Variants in PIK3C2B observed in about 807,000 individuals in gnomAD.
PIK3C2B encodes the protein phosphatidylinositol-4-phosphate 3-kinase catalytic subunit type 2 beta, also known as phosphatidylinositol 4-phosphate 3-kinase C2 domain-containing subunit beta.
In PIK3C2B, 83 loss-of-function variants were observed where a neutral mutation model predicts 184.3. The observed-to-expected ratio is 0.45, with a 90% CI of 0.38 to 0.54. PIK3C2B has a LOEUF of 0.54. Among genes scored for constraint, PIK3C2B ranks in the 20% least tolerant of loss-of-function variants. The pLI, the probability that PIK3C2B is intolerant of heterozygous loss-of-function variation, is 0.00. For synonymous variants in PIK3C2B, 779 were observed against 837.6 expected (o/e 0.93, Z 1.21); for missense variants, 1,736 against 2,113.5 (o/e 0.82, Z 3.50).
At chr1:204,440,765 T>TTATATATA (rs34842826) in intron 21 of PIK3C2B, among the ~76,000 whole-genome samples, 163 of 140,052 alleles carry the variant, frequency 1.2e-3, no homozygotes, top group South Asian at 3.9e-3. Flanking sequence ...CCCAGCTAAT[T>TTATATATA]TATATATATA....
chr1:204,469,279 T>C lies in PIK3C2B; in HGVS notation c.524A>G (p.Lys175Arg), dbSNP rs1294216197. ...IWDTPPLPPR[K>R]GSPSSSKISQ... ...GATCTTGGAGGATGAGGGGGACCCC[T>C]TTCTGGGAGGCAGGGGAGGGGTATC... is the stretch of plus-strand genomic sequence containing the variant. The change falls in exon 2 of 33, where the codon AAG (lysine) becomes AGG (arginine). Residue 175 changes from lysine (K) to arginine (R), a missense_variant. By Grantham distance (26) the Lys-to-Arg change is conservative. Transcript: ENST00000684373. The C allele has an allele frequency of 9.0e-6, 14 of 1,549,016 alleles. No individual in the cohort carries two copies. Among genetic ancestry groups the C allele is most frequent in the Admixed American group, 1.9e-5 (1 of 51,632 alleles).
At chr1:204,474,838 C>T (rs759914232) in intron 1 of PIK3C2B, among the ~76,000 whole-genome samples, 1 of 152,088 alleles carries the variant, frequency 6.6e-6, no homozygotes, top group Non-Finnish European at 1.5e-5. Flanking sequence ...CTTTCCTCCC[C>T]ACAATCTGCT....
intron 1 of PIK3C2B, among the ~76,000 whole-genome samples, chr1:204,473,474 C>T (rs1375799412): frequency 1.3e-5 from 2 of 152,228 alleles, no homozygotes; most frequent in Admixed American, 6.5e-5. Flanking sequence ...TATCCAGAAC[C>T]TAGCTGCCTG....
intron 12 of PIK3C2B, among the ~76,000 whole-genome samples, chr1:204,452,656 T>G (rs1654475636): frequency 6.9e-6 from 1 of 145,372 alleles, no homozygotes; most frequent in East Asian, 2.0e-4. Context: ...ATGTCCTTTT[T>G]TTTTTTTTTT....
intron 1 of PIK3C2B, among the ~76,000 whole-genome samples, chr1:204,477,077 C>A (rs908744603): frequency 2.6e-5 from 4 of 152,216 alleles, no homozygotes; most frequent in African/African-American, 7.2e-5. Flanking sequence ...TCTCTAAGAG[C>A]AAGGGCATTC....
At chr1:204,476,360 C>T (rs1205080344) in intron 1 of PIK3C2B, among the ~76,000 whole-genome samples, 1 of 151,984 alleles carries the variant, frequency 6.6e-6, no homozygotes, top group Non-Finnish European at 1.5e-5. Flanking sequence ...TTGCTTGAGC[C>T]CAGGGTTCAA....
intron 15 of PIK3C2B, among the ~76,000 whole-genome samples, chr1:204,446,745 G>A (rs1486070603): frequency 6.6e-6 from 1 of 152,144 alleles, no homozygotes; most frequent in Admixed American, 6.5e-5. Context: ...GGGAAGGGAG[G>A]TCTGCGGTCG....
At chr1:204,468,466 C>T (rs12093802) in intron 2 of PIK3C2B, among the ~76,000 whole-genome samples, 16,897 of 152,162 alleles carry the variant, frequency 0.11, 3,104 homozygotes, top group African/African-American at 0.38. Flanking sequence ...CGCCACGCAG[C>T]GTTTTTGGCA....
intron 8 of PIK3C2B, among the ~76,000 whole-genome samples, 157 bp downstream of exon 8, chr1:204,459,721 G>A (rs565596723): frequency 3.3e-5 from 5 of 152,302 alleles, no homozygotes; most frequent in Non-Finnish European, 5.9e-5. Flanking sequence ...AGTAGTCTTA[G>A]TTTGCCCATG....
intron 8 of PIK3C2B, 144 bp downstream of exon 8, chr1:204,459,734 C>T (rs1655168690): frequency 1.5e-6 from 1 of 688,822 alleles, no homozygotes; most frequent in Non-Finnish European, 2.6e-6. Context: ...TGCCCATGAG[C>T]GAGGGGTTAA....
chr1:204,462,923 T>C (rs55954758), intron 5 of PIK3C2B, among the ~76,000 whole-genome samples: 29,255 of 151,966 alleles, frequency 0.19, 3,126 homozygotes, highest in East Asian at 0.47. Flanking sequence ...GGCGTGGTGG[T>C]GCTTATGCCT....
chr1:204,467,224 C>G (rs1477059793), intron 2 of PIK3C2B: 2 of 283,692 alleles, frequency 7.0e-6, no homozygotes, highest in Non-Finnish European at 1.4e-5. Context: ...ACTCAGTGAG[C>G]AGGCCCAGCT....
At chr1:204,456,873 A>AACACACACACACACACACACACAC (rs747482741) in intron 10 of PIK3C2B, among the ~76,000 whole-genome samples, 164 bp downstream of exon 10, 1 of 141,606 alleles carries the variant, frequency 7.1e-6, no homozygotes, top group African/African-American at 2.6e-5. Flanking sequence ...CTCATATAGG[A>AACACACACACACACACACACACAC]ACACACACAC....
At chr1:204,460,522 G>T in intron 6 of PIK3C2B, 28 bp downstream of exon 6, 1 of 1,590,966 alleles carries the variant, frequency 6.3e-7, no homozygotes, top group Non-Finnish European at 8.6e-7. Context: ...CCCAGCCCTG[G>T]GCAACCCTCC....
intron 1 of PIK3C2B, among the ~76,000 whole-genome samples, chr1:204,477,144 T>G (rs921504357): frequency 6.6e-6 from 1 of 152,126 alleles, no homozygotes; most frequent in African/African-American, 2.4e-5. Flanking sequence ...TTGACAACAA[T>G]AATATTATCT....
intron 12 of PIK3C2B, among the ~76,000 whole-genome samples, chr1:204,450,957 C>T (rs116239349): frequency 0.018 from 2,776 of 152,340 alleles, 75 homozygotes; most frequent in East Asian, 0.13. Flanking sequence ...GGCAGGGCGG[C>T]CACCCCCAAG....
At position 204,440,174 on chromosome 1, in the gene PIK3C2B, C is replaced by A. The variant is rs1221468401; in HGVS notation, c.3379+18G>T. On this transcript the variant is annotated intron_variant, in intron 22 of 32. Coordinates refer to ENST00000684373, the MANE Select transcript of PIK3C2B (RefSeq NM_001377334.1). Reference sequence around the variant, plus strand: ...AAAGCGGTCCCCTCCTCCACCCTCACCCCTACTCCCAACTGACCTCTGCCC... The same window carrying A: ...AAAGCGGTCCCCTCCTCCACCCTCAACCCTACTCCCAACTGACCTCTGCCC... 3 of 1,609,242 alleles carry A rather than the reference C, an allele frequency of 1.9e-6. No individual in the cohort carries two copies. Among genetic ancestry groups the A allele is most frequent in the Non-Finnish European group, 2.5e-6 (3 of 1,177,502 alleles).
At chr1:204,437,670 C>T (rs1312679789) in intron 23 of PIK3C2B, among the ~76,000 whole-genome samples, 1 of 152,150 alleles carries the variant, frequency 6.6e-6, no homozygotes, top group African/African-American at 2.4e-5. Flanking sequence ...GAAGAATAAA[C>T]AGAGCATGGT....
At chr1:204,429,802 C>A in intron 29 of PIK3C2B, 119 bp downstream of exon 29, 2 of 701,046 alleles carry the variant, frequency 2.9e-6, no homozygotes, top group Non-Finnish European at 5.1e-6. Context: ...ATTCAGCCCA[C>A]AGACCCCGAA....
Sources: allele counts gnomAD v4.1 joint callset (sites outside exome capture counted in the v4.1 genomes callset), GRCh38; gene constraint gnomAD v4.1.1; transcripts MANE v1.5; gene names NCBI Gene and HGNC (gene_info 2026-07-23, HGNC 2026-07-21).